CSMD3: variants seen among roughly 807,000 people sequenced by gnomAD.
CSMD3 encodes the protein CUB and sushi domain-containing protein 3.
Under a neutral mutation model 435.2 loss-of-function variants are expected in CSMD3, and 177 were observed. The ratio of observed to expected loss-of-function variants is 0.41; its 90% CI spans 0.36 to 0.46. The LOEUF is 0.46. Ranked by LOEUF, CSMD3 falls within the 20% of genes least tolerant of loss-of-function variation. The pLI is 0.34. For synonymous variants in CSMD3, 1,656 were observed against 1,520.5 expected, an observed-to-expected ratio of 1.09 and a Z score of -2.07; for missense variants, 4,265 against 4,504.6, an observed-to-expected ratio of 0.95 and a Z score of 1.52.
chr8:113,434,078 C>A (rs781339123), intron 1 of CSMD3, among the ~76,000 whole-genome samples: 7 of 152,186 alleles, frequency 4.6e-5, no homozygotes, highest in Non-Finnish European at 1.0e-4. Flanking sequence ...TACCTAAGAC[C>A]ACTTTATCTT....
rs150862620 is a variant in CSMD3 at position 112,656,169 on chromosome 8, T to C, written c.2989A>G (p.Lys997Glu). ...TDNSRSNNGFKIHYESVTVNT... is the reference protein window; with the variant it reads ...TDNSRSNNGFEIHYESVTVNT... The stretch of plus-strand genomic sequence containing the variant: ...CATTACTTACTTTCATAATGAATCT[T>C]GAAACCATTATTGGAACGACTGTTG... Residue 997 changes from lysine to glutamate, a missense_variant, in exon 18 of 71, where the codon AAG (lysine) becomes GAG (glutamate). By Grantham distance (56) the Lys-to-Glu change is moderately conservative. This residue lies in a region of CSMD3 where 3,255 missense variants were observed against 3,380.2 expected (regional missense o/e 0.96). Transcript: ENST00000297405. 535 of 1,553,272 alleles carry C rather than the reference T, an allele frequency of 3.4e-4. 4 individuals are homozygous for C. The highest frequency in any genetic ancestry group is 3.4e-3 in the Admixed American group (205 of 59,786).
chr8:112,459,358 TGG>T (rs35526867), intron 32 of CSMD3, among the ~76,000 whole-genome samples: 2,852 of 112,640 alleles, frequency 0.025, 110 homozygotes, highest in African/African-American at 0.079. Context: ...TGTGTGTGTG[TGG>T]GGGGGGGGGG....
chr8:113,000,933 CT>C (rs945757976), intron 6 of CSMD3, among the ~76,000 whole-genome samples: 1 of 151,944 alleles, frequency 6.6e-6, no homozygotes, highest in Admixed American at 6.6e-5. Context: ...AGAAGGCATT[CT>C]TTTTTCCCCC....
chr8:112,371,883 C>T (rs1268481421), intron 38 of CSMD3, among the ~76,000 whole-genome samples: 1 of 151,618 alleles, frequency 6.6e-6, no homozygotes, highest in African/African-American at 2.4e-5. Context: ...GAGTGAGACT[C>T]TGTCTCAAAA....
At chr8:112,517,351 A>G (rs1823783967) in intron 27 of CSMD3, 126 bp from the exon 28 acceptor site, 1 of 642,338 alleles carries the variant, frequency 1.6e-6, no homozygotes, top group Non-Finnish European at 2.7e-6. Flanking sequence ...TACAATAAAC[A>G]CTTTCTCCAT....
At chr8:112,735,677 T>C (rs2077171067) in intron 13 of CSMD3, among the ~76,000 whole-genome samples, 1 of 151,982 alleles carries the variant, frequency 6.6e-6, no homozygotes, top group African/African-American at 2.4e-5. Context: ...CAGCTATCCC[T>C]TTCAAAGGGA....
chr8:112,887,345 A>G (rs991544791), intron 10 of CSMD3, among the ~76,000 whole-genome samples: 4 of 151,000 alleles, frequency 2.6e-5, no homozygotes, highest in Non-Finnish European at 4.4e-5. Flanking sequence ...TTCAATTTTT[A>G]ACAATTCTGG....
At chr8:112,754,322 C>T (rs16884061) in intron 13 of CSMD3, among the ~76,000 whole-genome samples, 3,887 of 152,126 alleles carry the variant, frequency 0.026, 79 homozygotes, top group East Asian at 0.074. Context: ...GGTCTCCTTT[C>T]GAAATATACA....
At chr8:112,227,622 A>G (rs1812691906) in intron 70 of CSMD3, among the ~76,000 whole-genome samples, 1 of 152,214 alleles carries the variant, frequency 6.6e-6, no homozygotes, top group Non-Finnish European at 1.5e-5. Flanking sequence ...AAATAAATTT[A>G]GTGATGATTA....
At chr8:112,445,316 A>G (rs1202045036) in intron 32 of CSMD3, among the ~76,000 whole-genome samples, 2 of 152,148 alleles carry the variant, frequency 1.3e-5, no homozygotes, top group Admixed American at 6.5e-5. Flanking sequence ...TTTTGTTGCT[A>G]TGAAGGACTA....
intron 47 of CSMD3, among the ~76,000 whole-genome samples, chr8:112,316,954 G>A (rs923501853): frequency 6.6e-6 from 1 of 151,916 alleles, no homozygotes; most frequent in Non-Finnish European, 1.5e-5. Context: ...GACTAAAAAC[G>A]ATGTAGGTTA....
intron 7 of CSMD3, among the ~76,000 whole-genome samples, chr8:112,966,245 GT>G (rs2084410637): frequency 6.6e-6 from 1 of 151,376 alleles, no homozygotes; most frequent in Admixed American, 6.6e-5. Context: ...TTTTTTAAAA[GT>G]TATAAATTCT....
intron 11 of CSMD3, among the ~76,000 whole-genome samples, chr8:112,847,142 T>TGTTA (rs1418273691): frequency 1.3e-5 from 2 of 152,260 alleles, no homozygotes; most frequent in East Asian, 3.9e-4. Flanking sequence ...GGTTTGGTCT[T>TGTTA]GTTAGTGCCT....
intron 56 of CSMD3, among the ~76,000 whole-genome samples, chr8:112,290,437 G>A (rs1201687207): frequency 6.6e-6 from 1 of 151,968 alleles, no homozygotes; most frequent in Non-Finnish European, 1.5e-5. Context: ...TAATGTGGTA[G>A]CTACATAAGA....
At chr8:112,696,198 C>T (rs1457519794) in intron 13 of CSMD3, among the ~76,000 whole-genome samples, 4 of 152,090 alleles carry the variant, frequency 2.6e-5, no homozygotes, top group Non-Finnish European at 5.9e-5. Flanking sequence ...TACCAATGAC[C>T]TTTTTCACAG....
At chr8:112,872,433 G>A (rs1053982281) in intron 10 of CSMD3, among the ~76,000 whole-genome samples, 1 of 151,884 alleles carries the variant, frequency 6.6e-6, no homozygotes, top group Non-Finnish European at 1.5e-5. Context: ...GAAAGGAAAA[G>A]AATTAAAATC....
intron 32 of CSMD3, among the ~76,000 whole-genome samples, chr8:112,411,347 T>C (rs1483461784): frequency 2.0e-5 from 3 of 151,826 alleles, no homozygotes; most frequent in Non-Finnish European, 4.4e-5. Flanking sequence ...ATTAACTCGG[T>C]TGGGAGAGTT....
At chr8:112,657,534 C>T (rs950498901) in intron 17 of CSMD3, among the ~76,000 whole-genome samples, 2 of 152,074 alleles carry the variant, frequency 1.3e-5, no homozygotes, top group Non-Finnish European at 2.9e-5. Flanking sequence ...AAACGTCAAT[C>T]GACACAGGGC....
In CSMD3 at chr8:113,126,322, T is replaced by C. The variant is rs147706546; in HGVS notation, c.710-27359A>G. 3.9e-5 allele frequency among the ~76,000 whole-genome samples: 6 copies of C among 152,064 alleles called. No individual in the cohort carries two copies. In the East Asian group the frequency reaches 1.2e-3, roughly 29 times the overall value. On this transcript the variant is annotated intron_variant, in intron 4 of 70. Coordinates refer to ENST00000297405, the MANE Select transcript of CSMD3 (RefSeq NM_198123.2). ...AGGAAAAACTACAGACTTTTTCCTG[T>C]GGCCTTTTAATGTCCAAGGGGAGAC...
Sources: allele counts gnomAD v4.1 joint callset (sites outside exome capture counted in the v4.1 genomes callset), GRCh38; gene constraint gnomAD v4.1.1; regional missense constraint gnomAD v4.1.1; transcripts MANE v1.5; gene names NCBI Gene and HGNC (gene_info 2026-07-23, HGNC 2026-07-21).